Variants in SLC24A2 observed in about 807,000 individuals in gnomAD.
SLC24A2 encodes solute carrier family 24 member 2, also known as sodium/potassium/calcium exchanger 2.
In SLC24A2, 36 loss-of-function variants were observed where a neutral mutation model predicts 62.0. The observed-to-expected ratio is 0.58, with a 90% confidence interval of 0.44 to 0.77. The LOEUF (loss-of-function observed/expected upper bound fraction) is 0.77. SLC24A2 is among the 30% of genes least tolerant of loss of function. The pLI, the probability that SLC24A2 is intolerant of heterozygous loss-of-function variation, is 0.00. For missense variants in SLC24A2, 846 were observed against 817.9 expected (o/e 1.03, Z -0.42); for synonymous variants, 358 against 294.0 (o/e 1.22, Z -2.23).
the SLC24A2 span, among the ~76,000 whole-genome samples, chr9:20,232,634 T>G: frequency 6.6e-6 from 1 of 152,178 alleles, no homozygotes; most frequent in South Asian, 2.1e-4. Flanking sequence ...CTTTTCTTCT[T>G]TATTAGTCTT....
At chr9:20,210,092 G>A in the SLC24A2 span, among the ~76,000 whole-genome samples, 1 of 152,078 alleles carries the variant, frequency 6.6e-6, no homozygotes, top group African/African-American at 2.4e-5. Context: ...TGAATTCCAC[G>A]AACCAAGTTC....
At chr9:19,619,540 CT>C in intron 4 of SLC24A2, 43 bp downstream of exon 4, 9 of 1,452,852 alleles carry the variant, frequency 6.2e-6, no homozygotes, top group African/African-American at 1.4e-5. Flanking sequence ...TTTTGGCATC[CT>C]TTTCCCCCCA....
chr9:19,684,343 T>C (rs944310248), intron 2 of SLC24A2, among the ~76,000 whole-genome samples: 2 of 152,110 alleles, frequency 1.3e-5, no homozygotes, highest in Non-Finnish European at 2.9e-5. Flanking sequence ...CTTCTAGAAC[T>C]AGGGTAACAT....
intron 2 of SLC24A2, among the ~76,000 whole-genome samples, chr9:19,749,536 A>C (rs1821924677): frequency 6.6e-6 from 1 of 152,188 alleles, no homozygotes; most frequent in Non-Finnish European, 1.5e-5. Context: ...GGGACTGCTT[A>C]TTTCTTACTA....
chr9:19,985,033 T>C, the SLC24A2 span, among the ~76,000 whole-genome samples: 1 of 150,168 alleles, frequency 6.7e-6, no homozygotes, highest in Admixed American at 6.6e-5. Context: ...AAAAAAGACA[T>C]CAATGCACAC....
intron 2 of SLC24A2, among the ~76,000 whole-genome samples, chr9:19,771,368 G>A (rs866766570): frequency 9.2e-5 from 14 of 152,202 alleles, no homozygotes; most frequent in African/African-American, 3.4e-4. Context: ...CAAAACATAT[G>A]TTTCCTAAGC....
chr9:19,831,984 T>G, the SLC24A2 span, among the ~76,000 whole-genome samples: 17 of 152,234 alleles, frequency 1.1e-4, no homozygotes, highest in African/African-American at 4.1e-4. Context: ...CCAGCATTAG[T>G]TGGACATTGT....
the SLC24A2 span, among the ~76,000 whole-genome samples, chr9:20,040,940 G>C: frequency 1.2e-4 from 18 of 152,316 alleles, no homozygotes; most frequent in South Asian, 3.7e-3. Context: ...TATATGAAGG[G>C]GAGACAGGAC....
chr9:20,219,411 T>C, the SLC24A2 span, among the ~76,000 whole-genome samples: 2 of 152,158 alleles, frequency 1.3e-5, no homozygotes, highest in Non-Finnish European at 2.9e-5. Context: ...TCTGAGTAAA[T>C]CACCTAGGGC....
chr9:19,878,348 G>A, the SLC24A2 span, among the ~76,000 whole-genome samples: 1 of 152,032 alleles, frequency 6.6e-6, no homozygotes, highest in Admixed American at 6.6e-5. Flanking sequence ...CAGTTCCATT[G>A]GATAATCCAG....
At chr9:20,263,924 G>A in the SLC24A2 span, among the ~76,000 whole-genome samples, 1 of 136,016 alleles carries the variant, frequency 7.4e-6, no homozygotes, top group Non-Finnish European at 1.5e-5. Flanking sequence ...ATGTCTGGCT[G>A]GGCAGATGCA....
At chr9:20,056,348 T>C in the SLC24A2 span, among the ~76,000 whole-genome samples, 13 of 152,288 alleles carry the variant, frequency 8.5e-5, no homozygotes, top group South Asian at 2.1e-4. Context: ...AACTCCCCTA[T>C]TGAGGAGAGG....
chr9:19,652,082 T>A (rs1818817512), intron 2 of SLC24A2, among the ~76,000 whole-genome samples: 1 of 152,194 alleles, frequency 6.6e-6, no homozygotes, highest in Admixed American at 6.5e-5. Flanking sequence ...GAATTTCAAA[T>A]CTTTTTGAAT....
chr9:19,916,764 G>T, the SLC24A2 span, among the ~76,000 whole-genome samples: 9 of 151,814 alleles, frequency 5.9e-5, no homozygotes, highest in African/African-American at 1.7e-4. Context: ...GCTATTTCTA[G>T]TGTTTTTCTG....
the SLC24A2 span, among the ~76,000 whole-genome samples, chr9:20,127,074 C>T: frequency 6.6e-6 from 1 of 151,658 alleles, no homozygotes; most frequent in Non-Finnish European, 1.5e-5. Flanking sequence ...TTTTCTTTAC[C>T]CCACCCTAAC....
At chr9:19,767,536 C>T (rs982886804) in intron 2 of SLC24A2, among the ~76,000 whole-genome samples, 3 of 152,152 alleles carry the variant, frequency 2.0e-5, no homozygotes, top group Non-Finnish European at 2.9e-5. Flanking sequence ...TCCCTCATGG[C>T]TTCCTTTGGG....
At chr9:19,739,718 T>C (rs977397869) in intron 2 of SLC24A2, among the ~76,000 whole-genome samples, 1 of 152,212 alleles carries the variant, frequency 6.6e-6, no homozygotes, top group African/African-American at 2.4e-5. Flanking sequence ...AAAAAGCTTC[T>C]ATAACACAGG....
the SLC24A2 span, among the ~76,000 whole-genome samples, chr9:19,889,496 C>G: frequency 2.6e-4 from 40 of 151,974 alleles, no homozygotes; most frequent in African/African-American, 8.9e-4. Context: ...TCCATTCATG[C>G]TTAGCAATCA....
At chr9:19,905,684 C>T in the SLC24A2 span, among the ~76,000 whole-genome samples, 4 of 151,882 alleles carry the variant, frequency 2.6e-5, no homozygotes, top group African/African-American at 2.4e-5. Context: ...TGTGAGCAAC[C>T]GAGCCCAGCC....
Sources: gnomAD v4.1 joint callset for allele counts (sites outside exome capture counted in the v4.1 genomes callset) on GRCh38, gnomAD v4.1.1 for gene constraint, MANE v1.5 for transcripts, NCBI Gene and HGNC (gene_info 2026-07-23, HGNC 2026-07-21) for gene names.